The following GPR158 variants were observed in gnomAD, a reference collection of about 807,000 sequenced individuals.
The protein encoded by GPR158 is G protein-coupled receptor 158, also known as metabotropic glycine receptor.
GPR158 carries 30 observed loss-of-function variants against 78.2 expected under a neutral mutation model. That is an observed-to-expected ratio of 0.38 (90% CI 0.29 to 0.52). The LOEUF (loss-of-function observed/expected upper bound fraction) is 0.52. GPR158 is among the 20% of genes least tolerant of loss of function. The pLI is 0.83. For missense variants in GPR158, 1,463 were observed against 1,523.5 expected (o/e 0.96, Z 0.66); for synonymous variants, 581 against 591.1 (o/e 0.98, Z 0.25).
At chr10:25,186,003 A>T (rs1276945687) in intron 1 of GPR158, among the ~76,000 whole-genome samples, 2 of 152,204 alleles carry the variant, frequency 1.3e-5, no homozygotes, top group Non-Finnish European at 2.9e-5. Context: ...ATAAAAGACC[A>T]GAAATTATAA....
intron 5 of GPR158, among the ~76,000 whole-genome samples, chr10:25,541,613 A>T (rs548236118): frequency 6.9e-4 from 105 of 151,704 alleles, no homozygotes; most frequent in Non-Finnish European, 1.2e-3. Flanking sequence ...AAAAAAAAAA[A>T]TTTTAGAACA....
At chr10:25,490,469 A>T (rs1167138718) in intron 5 of GPR158, among the ~76,000 whole-genome samples, 2 of 91,312 alleles carry the variant, frequency 2.2e-5, no homozygotes, top group Non-Finnish European at 2.0e-5. Context: ...CAGTCCCCAG[A>T]GTGTGATATT....
intron 5 of GPR158, among the ~76,000 whole-genome samples, chr10:25,502,438 C>T (rs1218684222): frequency 1.3e-5 from 2 of 152,100 alleles, no homozygotes; most frequent in African/African-American, 4.8e-5. Flanking sequence ...CATTTAGAAC[C>T]ACATTCACAG....
chr10:25,306,733 G>A lies in GPR158; in HGVS notation c.1008+85576G>A, dbSNP rs117683782. 6.7e-3 allele frequency among the ~76,000 whole-genome samples: 1,014 copies of A among 152,250 alleles called. 6 individuals carry two copies. The highest frequency in any genetic ancestry group is 9.9e-3 in the Non-Finnish European group (676 of 68,004). ...TGTCATGCATGCCAGAATAGTGGGA[G>A]ACATCATGTACTTTTTCTTCTTTAT... On this transcript the variant is annotated intron_variant, in intron 2 of 10. Transcript: ENST00000376351.
chr10:25,482,248 A>C (rs1251448524), intron 5 of GPR158, among the ~76,000 whole-genome samples: 1 of 151,980 alleles, frequency 6.6e-6, no homozygotes, highest in Non-Finnish European at 1.5e-5. Context: ...CAGTGGCATG[A>C]TCATAGCTCC....
intron 2 of GPR158, among the ~76,000 whole-genome samples, chr10:25,362,064 C>G (rs1054657442): frequency 6.6e-6 from 1 of 151,824 alleles, no homozygotes; most frequent in African/African-American, 2.4e-5. Context: ...CTGAGAATAT[C>G]CTGAAATATT....
intron 2 of GPR158, among the ~76,000 whole-genome samples, chr10:25,377,414 T>G (rs1834096200): frequency 6.6e-6 from 1 of 152,052 alleles, no homozygotes; most frequent in Non-Finnish European, 1.5e-5. Flanking sequence ...AAAATTTACC[T>G]TTCTAAAGTG....
chr10:25,263,531 G>A (rs1169153233), intron 2 of GPR158, among the ~76,000 whole-genome samples: 1 of 152,000 alleles, frequency 6.6e-6, no homozygotes, highest in Non-Finnish European at 1.5e-5. Flanking sequence ...TTTTCAAAAT[G>A]CTATTATATT....
At chr10:25,327,068 G>A (rs1277246896) in intron 2 of GPR158, among the ~76,000 whole-genome samples, 1 of 152,088 alleles carries the variant, frequency 6.6e-6, no homozygotes, top group Non-Finnish European at 1.5e-5. Flanking sequence ...CTCATTGTAA[G>A]CCAAGGAATG....
At chr10:25,276,299 ACT>A (rs1274956765) in intron 2 of GPR158, among the ~76,000 whole-genome samples, 5 of 152,078 alleles carry the variant, frequency 3.3e-5, no homozygotes, top group African/African-American at 1.2e-4. Context: ...GGTTCACTGG[ACT>A]CTCTTTCTCT....
chr10:25,358,563 C>G (rs1209340066), intron 2 of GPR158, among the ~76,000 whole-genome samples: 1 of 152,026 alleles, frequency 6.6e-6, no homozygotes, highest in African/African-American at 2.4e-5. Context: ...TGCACAAGCT[C>G]TTTTTACCTG....
chr10:25,344,197 C>A (rs959029910), intron 2 of GPR158, among the ~76,000 whole-genome samples: 1 of 151,894 alleles, frequency 6.6e-6, no homozygotes, highest in African/African-American at 2.4e-5. Flanking sequence ...AATTCACTGG[C>A]AGTATTTTGA....
At chr10:25,511,576 A>G (rs768800809) in intron 5 of GPR158, among the ~76,000 whole-genome samples, 34 of 151,928 alleles carry the variant, frequency 2.2e-4, no homozygotes, top group Non-Finnish European at 3.5e-4. Flanking sequence ...TTTTTGTTGC[A>G]TTTGCTTTCG....
At chr10:25,236,245 C>T (rs1268919) in intron 2 of GPR158, among the ~76,000 whole-genome samples, 1 of 152,166 alleles carries the variant, frequency 6.6e-6, no homozygotes, top group Non-Finnish European at 1.5e-5. Flanking sequence ...GTGGCTCACA[C>T]CTGTAATGCC....
At chr10:25,551,478 C>T (rs960962947) in intron 6 of GPR158, among the ~76,000 whole-genome samples, 1 of 152,116 alleles carries the variant, frequency 6.6e-6, no homozygotes, top group Non-Finnish European at 1.5e-5. Context: ...AACTACCATC[C>T]GCCATTCCCA....
chr10:25,289,262 T>A (rs560701594), intron 2 of GPR158, among the ~76,000 whole-genome samples: 1 of 152,194 alleles, frequency 6.6e-6, no homozygotes, highest in African/African-American at 2.4e-5. Context: ...GTGGGTCTAG[T>A]ATAGGTATTG....
intron 2 of GPR158, among the ~76,000 whole-genome samples, chr10:25,305,754 A>G (rs1044059958): frequency 3.9e-5 from 6 of 152,204 alleles, no homozygotes; most frequent in Admixed American, 6.5e-5. Flanking sequence ...TAGGTGCCCT[A>G]TGACATCATG....
chr10:25,278,258 A>G (rs2130750358), intron 2 of GPR158, among the ~76,000 whole-genome samples: 1 of 152,334 alleles, frequency 6.6e-6, no homozygotes, highest in African/African-American at 2.4e-5. Context: ...ATGCAGATTT[A>G]AAAATGAATG....
chr10:25,205,678 A>G (rs1853016406), intron 1 of GPR158, among the ~76,000 whole-genome samples: 1 of 151,980 alleles, frequency 6.6e-6, no homozygotes, highest in Non-Finnish European at 1.5e-5. Context: ...TCATTGTTTT[A>G]CCAAAAGCTA....
Sources: gnomAD v4.1 joint callset for allele counts (sites outside exome capture counted in the v4.1 genomes callset) on GRCh38, gnomAD v4.1.1 for gene constraint, MANE v1.5 for transcripts, NCBI Gene and HGNC (gene_info 2026-07-23, HGNC 2026-07-21) for gene names.